Variants in DLG1 observed in about 807,000 individuals in gnomAD.
DLG1 encodes the protein disks large homolog 1.
DLG1 carries 42 observed loss-of-function variants against 123.4 expected under a neutral mutation model. The observed-to-expected ratio is 0.34, with a 90% CI of 0.27 to 0.44. The LOEUF is 0.44. Among genes scored for constraint, DLG1 ranks in the 20% least tolerant of loss-of-function variants. DLG1 has a pLI of 1.00. For missense variants in DLG1, 942 were observed against 1,082.6 expected, an observed-to-expected ratio of 0.87 and a Z score of 1.82; for synonymous variants, 317 against 356.2, an observed-to-expected ratio of 0.89 and a Z score of 1.24.
At chr3:197,061,140 A>C (rs753669781) in intron 22 of DLG1, among the ~76,000 whole-genome samples, 1 of 152,236 alleles carries the variant, frequency 6.6e-6, no homozygotes, top group Non-Finnish European at 1.5e-5. Context: ...CTTGAGTCCA[A>C]GTCAATACAT....
rs976292282 is a variant in DLG1, at chr3:197,127,589, T to C, written c.1165+2938A>G. Among the ~76,000 whole-genome samples, 89 of 146,784 alleles carry C rather than the reference T, an allele frequency of 6.1e-4. 1 individual carries two copies. Among genetic ancestry groups the C allele is most frequent in the Non-Finnish European group, 8.8e-4 (59 of 67,082 alleles). ...GCATACAAATATAAGCACTAGAACC[T>C]GAAAGTACAAAGATAAATAGTATCT... On this transcript the variant is annotated intron_variant, in intron 11 of 24. Coordinates refer to ENST00000667157, the MANE Select transcript of DLG1 (RefSeq NM_001366207.1).
At chr3:197,173,667 G>T (rs1805463205) in intron 5 of DLG1, among the ~76,000 whole-genome samples, 1 of 152,140 alleles carries the variant, frequency 6.6e-6, no homozygotes, top group Non-Finnish European at 1.5e-5. Flanking sequence ...TAGATCAGGG[G>T]TTAGCAAACA....
At chr3:197,090,630 T>C (rs1757243118) in intron 15 of DLG1, among the ~76,000 whole-genome samples, 1 of 152,096 alleles carries the variant, frequency 6.6e-6, no homozygotes, top group African/African-American at 2.4e-5. Flanking sequence ...TAGTCACTAC[T>C]AACACATCAA....
intron 4 of DLG1, among the ~76,000 whole-genome samples, chr3:197,229,561 G>A (rs1741783018): frequency 6.6e-6 from 1 of 150,782 alleles, no homozygotes; most frequent in African/African-American, 2.4e-5. Flanking sequence ...TAACCACAAA[G>A]ATTAAATTCC....
At position 197,211,334 on chromosome 3, in the gene DLG1, A is replaced by G. The variant is rs997057593; in HGVS notation, c.319-16745T>C. Among the ~76,000 whole-genome samples the G allele has an allele frequency of 1.4e-5, 2 of 146,530 alleles. 1 individual carries two copies. Among genetic ancestry groups the G allele is most frequent in the South Asian group, 5.2e-4 (2 of 3,836 alleles). On this transcript the variant is annotated intron_variant, in intron 4 of 24. Coordinates refer to ENST00000667157, the MANE Select transcript of DLG1 (RefSeq NM_001366207.1). Reference sequence around the variant, plus strand: ...TGATACCAAAACCTGGCAGAGACACAACAAAAAAAGAAAACTTCAGGCCCA... The same window carrying G: ...TGATACCAAAACCTGGCAGAGACACGACAAAAAAAGAAAACTTCAGGCCCA...
intron 23 of DLG1, among the ~76,000 whole-genome samples, chr3:197,053,354 T>TA (rs1257078015): frequency 4.6e-5 from 7 of 152,262 alleles, no homozygotes; most frequent in Admixed American, 4.6e-4. Context: ...GGGCATGTGT[T>TA]AATTTCTCCC....
At chr3:197,204,615 T>C (rs976619106) in intron 4 of DLG1, among the ~76,000 whole-genome samples, 3 of 152,192 alleles carry the variant, frequency 2.0e-5, no homozygotes, top group South Asian at 2.1e-4. Context: ...GTTCCATATC[T>C]ACAGATTCAA....
intron 5 of DLG1, among the ~76,000 whole-genome samples, chr3:197,174,904 TG>T (rs1454214177): frequency 2.0e-5 from 3 of 152,364 alleles, no homozygotes; most frequent in African/African-American, 4.8e-5. Flanking sequence ...CTGTCACAGC[TG>T]TAACTTCTTC....
At chr3:197,224,096 T>G (rs1284677013) in intron 4 of DLG1, among the ~76,000 whole-genome samples, 4 of 152,200 alleles carry the variant, frequency 2.6e-5, no homozygotes, top group Non-Finnish European at 5.9e-5. Flanking sequence ...ATAACTTAGA[T>G]GCCCTTTTAA....
rs1203324360 is a variant in DLG1 at position 197,136,687 on chromosome 3, A to G, written c.884-9T>C. 5.6e-6 allele frequency: 9 copies of G among 1,596,946 alleles called. No homozygotes were observed. Among genetic ancestry groups the G allele is most frequent in the Non-Finnish European group, 7.7e-6 (9 of 1,174,794 alleles). ...AATGCTAAACCCAAGACCTGTTTGG[A>G]AAACAGTTCTAGATTCTCATCCATA... On this transcript the variant is annotated splice_polypyrimidine_tract_variant and intron_variant, in intron 9 of 24. Coordinates refer to ENST00000667157, the MANE Select transcript of DLG1 (RefSeq NM_001366207.1).
At chr3:197,080,191 T>C (rs1400049905) in intron 17 of DLG1, among the ~76,000 whole-genome samples, 2 of 149,858 alleles carry the variant, frequency 1.3e-5, no homozygotes, top group Non-Finnish European at 3.0e-5. Flanking sequence ...AGTATTTAGA[T>C]GCAAGCAGAA....
At chr3:197,234,398 T>G (rs189596911) in intron 4 of DLG1, among the ~76,000 whole-genome samples, 89 of 152,246 alleles carry the variant, frequency 5.8e-4, no homozygotes, top group Non-Finnish European at 1.0e-3. Flanking sequence ...TTCCAAAAAG[T>G]ATAATGGATG....
chr3:197,140,415 G>T, intron 7 of DLG1, 151 bp from the exon 8 acceptor site: 1 of 756,244 alleles, frequency 1.3e-6, no homozygotes, highest in Non-Finnish European at 2.0e-6. Flanking sequence ...AAATTAAATG[G>T]ACTTGTTCTG....
intron 14 of DLG1, among the ~76,000 whole-genome samples, chr3:197,097,446 G>A (rs73084526): frequency 0.016 from 2,411 of 152,056 alleles, 65 homozygotes; most frequent in African/African-American, 0.053. Flanking sequence ...GGGTTCATAG[G>A]ATATCTTTCA....
chr3:197,231,701 AAAAAAAAAACAAC>A lies in DLG1; in HGVS notation c.319-37125_319-37113del, dbSNP rs1163123208. On this transcript the variant is annotated intron_variant, in intron 4 of 24. Transcript: ENST00000667157. ...GGGAAGAGAACCAGACCCTGTTAAA[AAAAAAAAAACAAC>A]AAAAAACAAAACAACAAAAACCAAA... is the stretch of plus-strand genomic sequence containing the variant. Among the ~76,000 whole-genome samples, 26 of 135,728 alleles carry A rather than the reference AAAAAAAAAACAAC, an allele frequency of 1.9e-4. No homozygotes were observed. In the East Asian group the frequency reaches 6.3e-3, roughly 33 times the overall value. The allele number at this position is 135,728 out of a possible 152,430, so 89.0% of individuals were successfully genotyped here.
At chr3:197,189,407 G>GA (rs1228866818) in intron 5 of DLG1, among the ~76,000 whole-genome samples, 2 of 151,968 alleles carry the variant, frequency 1.3e-5, no homozygotes, top group Non-Finnish European at 2.9e-5. Context: ...TTTACAATAG[G>GA]AAAAAACATT....
intron 4 of DLG1, among the ~76,000 whole-genome samples, chr3:197,203,096 T>C (rs2150341868): frequency 6.6e-6 from 1 of 152,256 alleles, no homozygotes; most frequent in Admixed American, 6.5e-5. Flanking sequence ...ACTCTGCCTC[T>C]ACAAAAAATT....
intron 4 of DLG1, among the ~76,000 whole-genome samples, chr3:197,257,524 G>T (rs1358939254): frequency 2.0e-5 from 3 of 152,056 alleles, no homozygotes; most frequent in African/African-American, 7.2e-5. Flanking sequence ...TAAAATAAAG[G>T]CAGCAAAAAG....
intron 11 of DLG1, among the ~76,000 whole-genome samples, chr3:197,126,479 AC>A (rs1253595048): frequency 6.6e-6 from 1 of 151,898 alleles, no homozygotes; most frequent in Non-Finnish European, 1.5e-5. Flanking sequence ...AAAAAAAAAA[AC>A]AACATAATCA....
Sources: allele counts gnomAD v4.1 joint callset (sites outside exome capture counted in the v4.1 genomes callset), GRCh38; gene constraint gnomAD v4.1.1; transcripts MANE v1.5; gene names NCBI Gene and HGNC (gene_info 2026-07-23, HGNC 2026-07-21).